Variants in MTA3 observed in about 807,000 individuals in gnomAD.
MTA3 encodes the protein metastasis associated 1 family member 3.
Under a neutral mutation model 83.5 loss-of-function variants are expected in MTA3, and 34 were observed. The ratio of observed to expected loss-of-function variants is 0.41; its 90% CI spans 0.31 to 0.54. The LOEUF (loss-of-function observed/expected upper bound fraction) is 0.54. Ranked by LOEUF, MTA3 falls within the 20% of genes least tolerant of loss-of-function variation. The probability of loss-of-function intolerance (pLI) is 0.33; values close to 1 mark genes in which losing one functional copy is unlikely to be tolerated. For synonymous variants in MTA3, 303 were observed against 252.7 expected, an observed-to-expected ratio of 1.20 and a Z score of -1.89; for missense variants, 761 against 726.4, an observed-to-expected ratio of 1.05 and a Z score of -0.55.
At chr2:42,615,597 G>A (rs1007465102) in intron 4 of MTA3, among the ~76,000 whole-genome samples, 3 of 150,614 alleles carry the variant, frequency 2.0e-5, no homozygotes, top group African/African-American at 4.9e-5. Context: ...CTTGTGATCC[G>A]CCCACCTCGG....
intron 2 of MTA3, among the ~76,000 whole-genome samples, chr2:42,499,645 C>G (rs562728526): frequency 1.4e-4 from 21 of 150,690 alleles, no homozygotes; most frequent in Middle Eastern, 6.8e-3. Context: ...CAAAATTAGC[C>G]GGGGTGGTGA....
chr2:42,661,615 A>G (rs573541787), intron 8 of MTA3, among the ~76,000 whole-genome samples: 112 of 151,902 alleles, frequency 7.4e-4, no homozygotes, highest in African/African-American at 2.5e-3. Flanking sequence ...TTTTTGCTCA[A>G]TTTAAAAATT....
chr2:42,582,332 A>G (rs1322087314), intron 3 of MTA3, among the ~76,000 whole-genome samples: 1 of 152,250 alleles, frequency 6.6e-6, no homozygotes, highest in Non-Finnish European at 1.5e-5. Context: ...TGCTGGGATT[A>G]CAGGCGTGAG....
rs538550062 is a variant in MTA3, at chr2:42,602,906, A to T, written c.191-6552A>T. The stretch of plus-strand genomic sequence containing the variant: ...CCGTTCAGACTGATTTCTTCAGAGA[A>T]GCCTCTGCTGGCTCATCAAGCTACA... On this transcript the variant is annotated intron_variant, in intron 3 of 16. Coordinates refer to ENST00000405094, the MANE Select transcript of MTA3 (RefSeq NM_001330442.2). 1.8e-4 allele frequency among the ~76,000 whole-genome samples: 27 copies of T among 152,238 alleles called. 1 individual carries two copies. In the South Asian group the frequency reaches 5.6e-3, roughly 32 times the overall value.
At position 42,639,458 on chromosome 2, in the gene MTA3, C is replaced by T. The variant is rs894804969; in HGVS notation, c.318-715C>T. On this transcript the variant is annotated intron_variant, in intron 4 of 16. Coordinates refer to ENST00000405094, the MANE Select transcript of MTA3 (RefSeq NM_001330442.2). ...TAGTTAGGGTCATTTTGAAAGTGCT[C>T]GTAATAAATGCCTCTACCTACATAA... Among the ~76,000 whole-genome samples the T allele has an allele frequency of 5.3e-5, 8 of 152,140 alleles. No homozygotes were observed. The South Asian group carries it at 8.3e-4, about 16-fold the overall frequency.
At chr2:42,736,935 T>C (rs1668653389) in intron 16 of MTA3, among the ~76,000 whole-genome samples, 1 of 152,202 alleles carries the variant, frequency 6.6e-6, no homozygotes, top group Non-Finnish European at 1.5e-5. Flanking sequence ...AGTTAGGGCC[T>C]GGAATGGGGG....
In MTA3 at chr2:42,659,744, G is replaced by A; in HGVS notation, c.603-19G>A. 6.7e-7 allele frequency: 1 copy of A among 1,497,100 alleles called. No homozygotes were observed. The highest frequency in any genetic ancestry group is 8.9e-7 in the Non-Finnish European group (1 of 1,119,824). The allele number at this position is 1,497,100 out of a possible 1,614,324, so 92.7% of individuals were successfully genotyped here. A position where few individuals can be genotyped will look rare whatever the true frequency, so the allele number is the denominator to read the frequency against. On this transcript the variant is annotated intron_variant, in intron 7 of 16. Transcript: ENST00000405094. ...AACAGATACTTAATTCTTCCTTATT[G>A]TGTTTGTGGTTTATTCAGTGCTGTT...
intron 2 of MTA3, 84 bp downstream of exon 2, chr2:42,570,588 G>T (rs1435922009): frequency 1.5e-5 from 11 of 732,806 alleles, no homozygotes; most frequent in South Asian, 3.6e-5. Context: ...GGCCTGGTGT[G>T]GGGGCTCATG....
intron 3 of MTA3, among the ~76,000 whole-genome samples, chr2:42,595,987 T>C (rs979696956): frequency 1.3e-5 from 2 of 152,168 alleles, no homozygotes; most frequent in Admixed American, 6.6e-5. Flanking sequence ...GAAATCTTAA[T>C]ACTTCCGAGA....
At chr2:42,745,244 G>A (rs1669324482) in intron 16 of MTA3, among the ~76,000 whole-genome samples, 1 of 152,170 alleles carries the variant, frequency 6.6e-6, no homozygotes, top group South Asian at 2.1e-4. Flanking sequence ...TTTGTTAGAT[G>A]GAGATTCCCA....
chr2:42,623,334 A>G (rs1015546612), intron 4 of MTA3, among the ~76,000 whole-genome samples: 1 of 152,184 alleles, frequency 6.6e-6, no homozygotes, highest in African/African-American at 2.4e-5. Context: ...TGCGAAGGGT[A>G]CTTGCTGTAA....
intron 2 of MTA3, among the ~76,000 whole-genome samples, chr2:42,528,172 G>A (rs1422569967): frequency 3.3e-5 from 5 of 151,808 alleles, no homozygotes; most frequent in African/African-American, 4.8e-5. Context: ...GGATCTGCCC[G>A]CCTCGGCCTC....
Position 42,755,283 on chromosome 2 carries a change from T to G in MTA3, c.*1884T>G. On this transcript the variant is annotated 3_prime_UTR_variant, in exon 17 of 17. Transcript: ENST00000405094. The stretch of plus-strand genomic sequence containing the variant: ...TTCTCTCTGAACCCCTACTAAGTGG[T>G]GACTGCAGATTCTGGAAACAATTAG... 1 of 985,440 alleles carries G rather than the reference T, an allele frequency of 1.0e-6. No individual in the cohort carries two copies. Among genetic ancestry groups the G allele is most frequent in the Non-Finnish European group, 1.2e-6 (1 of 829,956 alleles). 61.0% of individuals were successfully genotyped at this position (985,440 alleles called of 1,614,324 possible). A position where few individuals can be genotyped will look rare whatever the true frequency, so the allele number is the denominator to read the frequency against.
intron 4 of MTA3, among the ~76,000 whole-genome samples, chr2:42,610,124 A>G (rs1684009669): frequency 6.6e-6 from 1 of 152,148 alleles, no homozygotes; most frequent in Non-Finnish European, 1.5e-5. Context: ...AAAAAACAAT[A>G]AGACAATAAA....
chr2:42,746,421 C>T (rs866179811), intron 16 of MTA3, among the ~76,000 whole-genome samples: 17 of 152,254 alleles, frequency 1.1e-4, no homozygotes, highest in Middle Eastern at 3.4e-3. Flanking sequence ...TGTGTGGGGA[C>T]TTTTCCCCAC....
intron 3 of MTA3, among the ~76,000 whole-genome samples, chr2:42,590,652 G>T (rs887733182): frequency 1.6e-5 from 2 of 127,580 alleles, no homozygotes; most frequent in African/African-American, 3.1e-5. Flanking sequence ...AGTCTCGCTC[G>T]CTCTGTCACC....
chr2:42,668,538 A>C (rs1377025002), intron 8 of MTA3, among the ~76,000 whole-genome samples: 1 of 152,200 alleles, frequency 6.6e-6, no homozygotes, highest in Non-Finnish European at 1.5e-5. Flanking sequence ...TATCTGGCAC[A>C]GTGTCAGAGC....
At chr2:42,509,132 T>C (rs533703322) in intron 2 of MTA3, among the ~76,000 whole-genome samples, 113 of 151,982 alleles carry the variant, frequency 7.4e-4, no homozygotes, top group Non-Finnish European at 1.5e-3. Flanking sequence ...AACCTCCACC[T>C]CCCAGGTTCA....
At chr2:42,644,418 G>A (rs557128298) in intron 6 of MTA3, among the ~76,000 whole-genome samples, 174 bp downstream of exon 6, 4 of 151,886 alleles carry the variant, frequency 2.6e-5, no homozygotes, top group Non-Finnish European at 5.9e-5. Context: ...TAGAGATGAG[G>A]CCTCGCTATG....
Sources: allele counts gnomAD v4.1 joint callset (sites outside exome capture counted in the v4.1 genomes callset), GRCh38; gene constraint gnomAD v4.1.1; transcripts MANE v1.5; gene names NCBI Gene and HGNC (gene_info 2026-07-23, HGNC 2026-07-21).